The following GPR158 variants were observed in gnomAD, a reference collection of about 807,000 sequenced individuals.
GPR158 encodes G protein-coupled receptor 158.
GPR158 carries 30 observed loss-of-function variants against 78.2 expected under a neutral mutation model. That is an observed-to-expected ratio of 0.38 (90% CI 0.29 to 0.52). GPR158 has a LOEUF of 0.52. GPR158 is among the 20% of genes least tolerant of loss of function. The pLI, the probability that GPR158 is intolerant of heterozygous loss-of-function variation, is 0.83. For synonymous variants in GPR158, 581 were observed against 591.1 expected (o/e 0.98, Z 0.25); for missense variants, 1,463 against 1,523.5 (o/e 0.96, Z 0.66).
intron 4 of GPR158, among the ~76,000 whole-genome samples, chr10:25,431,867 G>GGGGA (rs1834912927): frequency 6.6e-6 from 1 of 152,070 alleles, no homozygotes; most frequent in Non-Finnish European, 1.5e-5. Flanking sequence ...TGTGGGGTTG[G>GGGGA]GGGAGGGATA....
In GPR158 at chr10:25,520,945, C is replaced by T. The variant is rs927746107; in HGVS notation, c.1405-30031C>T. Among the ~76,000 whole-genome samples the T allele has an allele frequency of 2.1e-3, 323 of 152,300 alleles. 3 individuals are homozygous for T. The highest frequency in any genetic ancestry group is 7.4e-3 in the African/African-American group (307 of 41,576). ...TTACCTAAGCAAGCCTGGGCAATGG[C>T]GGGCGCCCCTCCCCCAGCCTCGCTG... On this transcript the variant is annotated intron_variant, in intron 5 of 10. Coordinates refer to ENST00000376351, the MANE Select transcript of GPR158 (RefSeq NM_020752.3).
At position 25,236,401 on chromosome 10, in the gene GPR158, G is replaced by T. The variant is rs181066928; in HGVS notation, c.1008+15244G>T. 5.8e-3 allele frequency among the ~76,000 whole-genome samples: 882 copies of T among 152,192 alleles called. 4 individuals carry two copies. Among genetic ancestry groups the T allele is most frequent in the Non-Finnish European group, 9.6e-3 (653 of 68,018 alleles). On this transcript the variant is annotated intron_variant, in intron 2 of 10. Coordinates refer to ENST00000376351, the MANE Select transcript of GPR158 (RefSeq NM_020752.3). ...TGGGTGCCTGTAGTCCCAGCTACTC[G>T]GGAGGCTGAGGCGGGAGAATGGCAT... is the stretch of plus-strand genomic sequence containing the variant.
At chr10:25,584,951 A>C (rs899222338) in intron 7 of GPR158, among the ~76,000 whole-genome samples, 1 of 151,816 alleles carries the variant, frequency 6.6e-6, no homozygotes, top group Admixed American at 6.5e-5. Flanking sequence ...AATTTAAAAA[A>C]CAAACAAAAC....
chr10:25,503,056 A>G (rs774475690), intron 5 of GPR158, among the ~76,000 whole-genome samples: 1 of 152,144 alleles, frequency 6.6e-6, no homozygotes, highest in Non-Finnish European at 1.5e-5. Flanking sequence ...TAGTTGTAGG[A>G]AAATCTAGGA....
Position 25,600,366 on chromosome 10 carries a change from G to GT in GPR158, c.*1092_*1093insT, listed in dbSNP as rs1421545384. 6.6e-6 allele frequency: 1 copy of GT among 152,360 alleles called. No individual in the cohort carries two copies. Among genetic ancestry groups the GT allele is most frequent in the Non-Finnish European group, 1.5e-5 (1 of 68,008 alleles). 9.4% of individuals were successfully genotyped at this position (152,360 alleles called of 1,614,324 possible). Reference sequence around the variant, plus strand: ...ATACCGTGCATTATTATTACTATTGGAAAGGGAAGACTCTAGGGATGACAT... The same window carrying GT: ...ATACCGTGCATTATTATTACTATTGGTAAAGGGAAGACTCTAGGGATGACAT... On this transcript the variant is annotated 3_prime_UTR_variant, in exon 11 of 11. Coordinates refer to ENST00000376351, the MANE Select transcript of GPR158 (RefSeq NM_020752.3).
intron 7 of GPR158, among the ~76,000 whole-genome samples, chr10:25,577,129 ATTTAACCTCTTAATTTAAT>A (rs1564495310): frequency 1.6e-4 from 24 of 152,208 alleles, no homozygotes; most frequent in Non-Finnish European, 7.3e-5. Context: ...CAGCATCAAT[ATTTAACCTCTTAATTTAAT>A]GGTTTCTAAC....
intron 2 of GPR158, among the ~76,000 whole-genome samples, chr10:25,371,308 A>T (rs1488711463): frequency 1.3e-5 from 2 of 151,718 alleles, no homozygotes; most frequent in Non-Finnish European, 2.9e-5. Context: ...GGCTGGTACC[A>T]GTTGTTCCTT....
At chr10:25,423,164 T>TACATAC (rs1834777086) in intron 4 of GPR158, among the ~76,000 whole-genome samples, 1 of 150,500 alleles carries the variant, frequency 6.6e-6, no homozygotes, top group African/African-American at 2.4e-5. Flanking sequence ...TATGTATATA[T>TACATAC]GTGTGTATAT....
At chr10:25,564,046 T>C (rs1254607425) in intron 6 of GPR158, among the ~76,000 whole-genome samples, 1 of 152,220 alleles carries the variant, frequency 6.6e-6, no homozygotes, top group Admixed American at 6.5e-5. Context: ...GTTTGTTAAG[T>C]GACTTTTATA....
At chr10:25,310,872 A>G (rs1285193318) in intron 2 of GPR158, among the ~76,000 whole-genome samples, 1 of 151,998 alleles carries the variant, frequency 6.6e-6, no homozygotes, top group Non-Finnish European at 1.5e-5. Flanking sequence ...GATTTTTGAT[A>G]CACTTGGAAT....
chr10:25,467,359 C>T (rs1835439027), intron 5 of GPR158, among the ~76,000 whole-genome samples: 1 of 152,096 alleles, frequency 6.6e-6, no homozygotes. Flanking sequence ...GCTAGCCACT[C>T]AGTATCTTCA....
Position 25,177,646 on chromosome 10 carries a change from CAGCTACTTATCTGT to C in GPR158, c.902+1325_902+1338del, listed in dbSNP as rs751436747. ...CAAGTTGCTTAACCTCTCTGGGCCT[CAGCTACTTATCTGT>C]CCAGTGAGGGAGTTGAACTAGACAG... On this transcript the variant is annotated intron_variant, in intron 1 of 10. Transcript: ENST00000376351. Among the ~76,000 whole-genome samples, 121 of 152,264 alleles carry C rather than the reference CAGCTACTTATCTGT, an allele frequency of 7.9e-4. 1 individual carries two copies. Among genetic ancestry groups the C allele is most frequent in the South Asian group, 6.2e-3 (30 of 4,822 alleles).
chr10:25,588,255 GT>G (rs1160632706), intron 7 of GPR158, among the ~76,000 whole-genome samples: 4 of 152,166 alleles, frequency 2.6e-5, no homozygotes, highest in Non-Finnish European at 4.4e-5. Flanking sequence ...GACCAGAGAG[GT>G]TAAGTAAATT....
intron 4 of GPR158, among the ~76,000 whole-genome samples, chr10:25,433,771 G>A (rs1292917666): frequency 7.1e-6 from 1 of 140,656 alleles, no homozygotes; most frequent in Non-Finnish European, 1.5e-5. Flanking sequence ...GGCCTCAAGT[G>A]ATCCTCTTGC....
intron 5 of GPR158, among the ~76,000 whole-genome samples, chr10:25,529,327 C>G (rs977212896): frequency 6.6e-6 from 1 of 151,880 alleles, no homozygotes; most frequent in Non-Finnish European, 1.5e-5. Context: ...GCGGAGGTAG[C>G]AGTAAGCCGA....
chr10:25,302,630 T>C (rs1280595606), intron 2 of GPR158, among the ~76,000 whole-genome samples: 1 of 152,204 alleles, frequency 6.6e-6, no homozygotes, highest in Non-Finnish European at 1.5e-5. Context: ...ATATGGTCTC[T>C]GTCACATATT....
chr10:25,270,602 A>G (rs1183922380), intron 2 of GPR158, among the ~76,000 whole-genome samples: 8 of 152,132 alleles, frequency 5.3e-5, no homozygotes, highest in East Asian at 1.9e-4. Flanking sequence ...GTCCTCCTCC[A>G]TGCTCCCCAC....
rs1448474745 is a variant in GPR158, at chr10:25,551,031, C to T, written c.1460C>T (p.Ala487Val). 1 of 1,610,928 alleles carries T rather than the reference C, an allele frequency of 6.2e-7. No homozygotes were observed. ...TTTCGCTGTATTCTCCTAAGATGGG[C>T]TCGTCTTCTCGGTTTTGCTACTGTT... ...STFRCILLRW[A>V]RLLGFATVYG... The change falls in exon 6 of 11, where the codon GCT (alanine) becomes GTT (valine). Residue 487 changes from alanine (A) to valine (V), a missense_variant. Transcript: ENST00000376351.
At chr10:25,425,487 G>T (rs554851730) in intron 4 of GPR158, among the ~76,000 whole-genome samples, 1 of 151,840 alleles carries the variant, frequency 6.6e-6, no homozygotes, top group South Asian at 2.1e-4. Flanking sequence ...TTTGAGAGTT[G>T]TCTATTCATG....
Sources: gnomAD v4.1 joint callset for allele counts (sites outside exome capture counted in the v4.1 genomes callset) on GRCh38, gnomAD v4.1.1 for gene constraint, MANE v1.5 for transcripts, NCBI Gene and HGNC (gene_info 2026-07-23, HGNC 2026-07-21) for gene names.